The following QSER1 variants were observed in gnomAD, a reference collection of about 807,000 sequenced individuals.
QSER1 encodes glutamine and serine rich 1, also known as glutamine and serine-rich protein 1.
A neutral mutation model predicts 158.5 loss-of-function variants in QSER1; 49 were observed. The observed-to-expected ratio is 0.31, with a 90% CI of 0.25 to 0.39. The LOEUF (loss-of-function observed/expected upper bound fraction) is 0.39, where lower values mean the gene tolerates loss of function less well. Ranked by LOEUF, QSER1 falls within the 10% of genes least tolerant of loss-of-function variation. The probability of loss-of-function intolerance (pLI) is 1.00; values close to 1 mark genes in which losing one functional copy is unlikely to be tolerated. For synonymous variants in QSER1, 650 were observed against 715.5 expected, an observed-to-expected ratio of 0.91 and a Z score of 1.46; for missense variants, 1,754 against 2,010.3, an observed-to-expected ratio of 0.87 and a Z score of 2.44.
intron 11 of QSER1, among the ~76,000 whole-genome samples, chr11:32,974,472 T>C (rs901640404): frequency 1.3e-5 from 2 of 151,476 alleles, no homozygotes; most frequent in African/African-American, 4.9e-5. Flanking sequence ...CAGAAATGCA[T>C]AAAAATACAT....
intron 8 of QSER1, among the ~76,000 whole-genome samples, chr11:32,965,986 C>CACACACACACACACACA (rs3060620): frequency 6.7e-6 from 1 of 149,608 alleles, no homozygotes; most frequent in African/African-American, 2.5e-5. Flanking sequence ...CACACACACA[C>CACACACACACACACACA]GAATCACCTA....
chr11:32,902,332 G>C (rs1357924969), intron 1 of QSER1, among the ~76,000 whole-genome samples: 1 of 152,180 alleles, frequency 6.6e-6, no homozygotes, highest in Admixed American at 6.5e-5. Context: ...TTGAAACACA[G>C]GTTGCTGGGC....
At chr11:32,941,239 T>TTA (rs1564937919) in intron 4 of QSER1, among the ~76,000 whole-genome samples, 3 of 143,366 alleles carry the variant, frequency 2.1e-5, no homozygotes, top group African/African-American at 7.7e-5. Flanking sequence ...TATTATTATT[T>TTA]TTAATTATTA....
At position 32,933,842 on chromosome 11, in the gene QSER1, T is replaced by C. The variant is rs1852094393; in HGVS notation, c.2584T>C (p.Leu862=). The C allele has an allele frequency of 6.2e-7, 1 of 1,613,434 alleles. No individual in the cohort carries two copies. The highest frequency in any genetic ancestry group is 8.5e-7 in the Non-Finnish European group (1 of 1,179,774). ...GGTCCTTTTAGATTCTGCCTGTGATTTACAAATTCTTCAGCAGTCAATACT... is the reference window on the plus strand; with the variant it reads ...GGTCCTTTTAGATTCTGCCTGTGATCTACAAATTCTTCAGCAGTCAATACT... ...TQVLLDSACD[L]QILQQSILQA... The change falls in exon 4 of 13, where the codon TTA becomes CTA. Residue 862 remains leucine (L), a synonymous_variant. Transcript: ENST00000650167.
At position 32,958,106 on chromosome 11, in the gene QSER1, GC is replaced by G; in HGVS notation, c.4969+21del. 6.3e-7 allele frequency: 1 copy of G among 1,580,236 alleles called. No homozygotes were observed. The highest frequency in any genetic ancestry group is 8.7e-7 in the Non-Finnish European group (1 of 1,150,204). On this transcript the variant is annotated intron_variant, in intron 8 of 12. Coordinates refer to ENST00000650167, the MANE Select transcript of QSER1 (RefSeq NM_001076786.3). ...ATGAGGGTGAGTTTTCCGTGAAATG[GC>G]TACCCTGATAACTTTAGATTATCTA...
At chr11:32,947,470 A>G (rs1431557471) in intron 4 of QSER1, among the ~76,000 whole-genome samples, 1 of 152,144 alleles carries the variant, frequency 6.6e-6, no homozygotes, top group Non-Finnish European at 1.5e-5. Flanking sequence ...TATTTAAGAA[A>G]ATGTTTATAT....
intron 1 of QSER1, among the ~76,000 whole-genome samples, chr11:32,914,995 C>A (rs780383483): frequency 1.2e-4 from 19 of 152,178 alleles, no homozygotes; most frequent in Non-Finnish European, 2.5e-4. Flanking sequence ...TCATGGCTCA[C>A]TGTAGCCTTG....
intron 1 of QSER1, among the ~76,000 whole-genome samples, chr11:32,923,627 G>T (rs183556816): frequency 5.4e-5 from 8 of 147,588 alleles, no homozygotes; most frequent in Non-Finnish European, 1.2e-4. Flanking sequence ...GTGGTGAGCC[G>T]AGATCACACC....
intron 1 of QSER1, among the ~76,000 whole-genome samples, chr11:32,901,809 C>T (rs60956326): frequency 0.024 from 3,706 of 152,276 alleles, 147 homozygotes; most frequent in African/African-American, 0.083. Context: ...AATGGCCAGG[C>T]GTGGTGGCTT....
At chr11:32,949,290 G>A (rs746819308) in intron 4 of QSER1, among the ~76,000 whole-genome samples, 19 of 152,000 alleles carry the variant, frequency 1.3e-4, no homozygotes, top group Non-Finnish European at 2.2e-4. Context: ...GACTTGTTTT[G>A]ACATATAACT....
chr11:32,922,156 G>A (rs1180637441), intron 1 of QSER1, among the ~76,000 whole-genome samples: 1 of 152,052 alleles, frequency 6.6e-6, no homozygotes, highest in Non-Finnish European at 1.5e-5. Flanking sequence ...GAAGAAAACA[G>A]AAAATCTTTG....
At chr11:32,974,750 T>C (rs544354259) in intron 11 of QSER1, among the ~76,000 whole-genome samples, 2 of 152,286 alleles carry the variant, frequency 1.3e-5, no homozygotes, top group African/African-American at 4.8e-5. Flanking sequence ...GGGACAGCTA[T>C]ATGTACTAAA....
intron 8 of QSER1, among the ~76,000 whole-genome samples, chr11:32,961,620 T>C (rs1004168871): frequency 2.0e-5 from 3 of 152,202 alleles, no homozygotes; most frequent in Non-Finnish European, 2.9e-5. Context: ...CAACAACTAC[T>C]TATTCTCTTT....
chr11:32,977,353 A>G lies in QSER1; in HGVS notation c.*879A>G, dbSNP rs1297365153. On this transcript the variant is annotated 3_prime_UTR_variant, in exon 13 of 13. Transcript: ENST00000650167. ...ATCTTGAGGTAACCATTTTTTTCAT[A>G]CAGATTTGCTTCAGTGTTATCCAGA... 6.6e-6 allele frequency: 1 copy of G among 152,528 alleles called. No individual in the cohort carries two copies. Among genetic ancestry groups the G allele is most frequent in the Non-Finnish European group, 1.5e-5 (1 of 68,016 alleles). The allele number at this position is 152,528 out of a possible 1,614,324, so 9.4% of individuals were successfully genotyped here.
chr11:32,953,841 CTTGGTTTTGT>C lies in QSER1; in HGVS notation c.4178-13_4178-4del. 1 of 1,588,594 alleles carries C rather than the reference CTTGGTTTTGT, an allele frequency of 6.3e-7. No homozygotes were observed. Among genetic ancestry groups the C allele is most frequent in the Non-Finnish European group, 8.6e-7 (1 of 1,167,238 alleles). Reference sequence around the variant, plus strand: ...TATTTGTAATACTGATTTGCATTTGCTTGGTTTTGTTTCAGAAGCCCTACAGGTGGCAACT... The same window carrying C: ...TATTTGTAATACTGATTTGCATTTGCTTCAGAAGCCCTACAGGTGGCAACT... On this transcript the variant is annotated splice_region_variant and splice_polypyrimidine_tract_variant and intron_variant, in intron 4 of 12. Coordinates refer to ENST00000650167, the MANE Select transcript of QSER1 (RefSeq NM_001076786.3).
At position 32,969,131 on chromosome 11, in the gene QSER1, T is replaced by C. The variant is rs1193918225; in HGVS notation, c.5193T>C (p.Asp1731=). Reference sequence around the variant, plus strand: ...GACTTCTTTTGAATCTTCATTTGGATCAATCATTCAAGGTATTTCCTTCTG... The same window carrying C: ...GACTTCTTTTGAATCTTCATTTGGACCAATCATTCAAGGTATTTCCTTCTG... ...RKRLLLNLHL[D]QSFKNALESF... The change falls in exon 10 of 13, where the codon GAT becomes GAC. Residue 1731 remains aspartate (D), a synonymous_variant. Transcript: ENST00000650167. 2 of 1,584,952 alleles carry C rather than the reference T, an allele frequency of 1.3e-6. No individual in the cohort carries two copies. Among genetic ancestry groups the C allele is most frequent in the Non-Finnish European group, 1.7e-6 (2 of 1,161,344 alleles).
chr11:32,922,381 C>T (rs572102482), intron 1 of QSER1, among the ~76,000 whole-genome samples: 11 of 152,096 alleles, frequency 7.2e-5, no homozygotes, highest in African/African-American at 2.7e-4. Flanking sequence ...TAGAAAACAA[C>T]CCAATAAAAA....
chr11:32,908,758 T>C (rs1851724965), intron 1 of QSER1, among the ~76,000 whole-genome samples: 1 of 152,240 alleles, frequency 6.6e-6, no homozygotes. Context: ...TGAACATGTT[T>C]CCGGTGTAAG....
At chr11:32,971,684 A>C (rs982809838) in intron 10 of QSER1, among the ~76,000 whole-genome samples, 8 of 152,230 alleles carry the variant, frequency 5.3e-5, no homozygotes, top group Non-Finnish European at 1.2e-4. Context: ...AGAAAATGCC[A>C]AAAGTGTTAT....
Sources: gnomAD v4.1 joint callset for allele counts (sites outside exome capture counted in the v4.1 genomes callset) on GRCh38, gnomAD v4.1.1 for gene constraint, MANE v1.5 for transcripts, NCBI Gene and HGNC (gene_info 2026-07-23, HGNC 2026-07-21) for gene names.